Variants in RNF145 observed in about 807,000 individuals in gnomAD.
RNF145 encodes ring finger protein 145.
A neutral mutation model predicts 57.3 loss-of-function variants in RNF145; 12 were observed. The ratio of observed to expected loss-of-function variants is 0.21; its 90% confidence interval spans 0.13 to 0.34. RNF145 has a LOEUF of 0.34. Among genes scored for constraint, RNF145 ranks in the 10% least tolerant of loss-of-function variants. The pLI is 1.00. For synonymous variants in RNF145, 262 were observed against 288.3 expected (o/e 0.91, Z 0.92); for missense variants, 429 against 799.0 (o/e 0.54, Z 5.58).
At chr5:159,176,546 G>A in intron 5 of RNF145, 86 bp downstream of exon 5, 1 of 824,916 alleles carries the variant, frequency 1.2e-6, no homozygotes, top group Non-Finnish European at 1.9e-6. Context: ...TACCATAACT[G>A]TGAAATAAAA....
Position 159,161,306 on chromosome 5 carries a change from T to G in RNF145, c.1586A>C (p.Gln529Pro). 6.2e-7 allele frequency: 1 copy of G among 1,613,682 alleles called. No individual in the cohort carries two copies. The highest frequency in any genetic ancestry group is 8.5e-7 in the Non-Finnish European group (1 of 1,179,634). ...ACAAATATCATTGTGTTTCTCAAGCTGCTCTTTCGTAGCAATGGGTAACGA... is the reference window on the plus strand; with the variant it reads ...ACAAATATCATTGTGTTTCTCAAGCGGCTCTTTCGTAGCAATGGGTAACGA... ...IKSLPIATKE[Q>P]LEKHNDICAI... Residue 529 changes from glutamine (Q) to proline (P), a missense_variant, in exon 10 of 11, where the codon CAG becomes CCG. Physicochemically the swap from Gln to Pro is moderately conservative, Grantham distance 76. Around this residue, in one of 4 missense-constraint regions of RNF145, gnomAD observed 216 missense variants for 457.6 expected, o/e 0.47. Transcript: ENST00000424310.
chr5:159,172,576 T>C (rs1025765494), intron 6 of RNF145, among the ~76,000 whole-genome samples: 5 of 152,190 alleles, frequency 3.3e-5, no homozygotes, highest in African/African-American at 9.7e-5. Flanking sequence ...TTAAAATGTA[T>C]TTGAATTTGA....
intron 3 of RNF145, among the ~76,000 whole-genome samples, chr5:159,184,095 G>C (rs1784984417): frequency 6.6e-6 from 1 of 152,136 alleles, no homozygotes; most frequent in African/African-American, 2.4e-5. Flanking sequence ...CTTTGTGAGG[G>C]ACAAGAAAAG....
chr5:159,209,971 T>G (rs528878588), upstream of RNF145: 1 of 1,453,640 alleles, frequency 6.9e-7, no homozygotes, highest in Non-Finnish European at 9.3e-7. Flanking sequence ...GTAAACTCCT[T>G]GGCGTCTGGG....
At chr5:159,172,748 C>A (rs1370169101) in intron 6 of RNF145, among the ~76,000 whole-genome samples, 2 of 152,072 alleles carry the variant, frequency 1.3e-5, no homozygotes, top group Admixed American at 6.6e-5. Flanking sequence ...TAATGCTTTC[C>A]TAGTAACATG....
intron 10 of RNF145, among the ~76,000 whole-genome samples, chr5:159,160,267 G>C (rs183839994): frequency 1.0e-3 from 157 of 152,226 alleles, no homozygotes; most frequent in African/African-American, 3.5e-3. Flanking sequence ...TTACTCCTCA[G>C]ACCCCTCAAA....
intron 10 of RNF145, among the ~76,000 whole-genome samples, chr5:159,159,867 T>C (rs1784156959): frequency 6.6e-6 from 1 of 152,172 alleles, no homozygotes; most frequent in Admixed American, 6.5e-5. Context: ...TTGTTTCAAG[T>C]CCCAAAACAA....
chr5:159,202,578 A>G (rs1356743092), intron 2 of RNF145, among the ~76,000 whole-genome samples: 2 of 152,190 alleles, frequency 1.3e-5, no homozygotes, highest in South Asian at 2.1e-4. Context: ...GAAAGTGATA[A>G]AAATAAATCT....
intron 2 of RNF145, among the ~76,000 whole-genome samples, chr5:159,197,282 T>C (rs1785491859): frequency 6.6e-6 from 1 of 152,206 alleles, no homozygotes; most frequent in Non-Finnish European, 1.5e-5. Flanking sequence ...GGACAGTAAA[T>C]TCTGTACGTT....
At chr5:159,185,986 G>A (rs555875146) in intron 3 of RNF145, among the ~76,000 whole-genome samples, 4 of 152,330 alleles carry the variant, frequency 2.6e-5, no homozygotes, top group African/African-American at 7.2e-5. Context: ...CACTTTGGGA[G>A]GCCGAGGCAG....
rs193189948 is a variant in RNF145, at chr5:159,158,420, C to T, written c.*250G>A. ...AGTTGCTGAGGTTGAATTTTCTTCA[C>T]AAACCTCTATAAAACATCAGCAGAG... On this transcript the variant is annotated 3_prime_UTR_variant, in exon 11 of 11. Transcript: ENST00000424310. 6.8e-5 allele frequency: 30 copies of T among 438,364 alleles called. No individual in the cohort carries two copies. Among genetic ancestry groups the T allele is most frequent in the Admixed American group, 1.5e-4 (4 of 27,008 alleles). The allele number at this position is 438,364 out of a possible 1,614,324, so 27.2% of individuals were successfully genotyped here. A position where few individuals can be genotyped will look rare whatever the true frequency, so the allele number is the denominator to read the frequency against.
rs1784123448 is a variant in RNF145 at position 159,158,802 on chromosome 5, G to A, written c.1860C>T (p.Thr620=). ...EPPGQEHTPG[T]RIQEGSRDNN... Reference sequence around the variant, plus strand: ...TGTCCCTGGAACCTTCCTGTATCCTGGTCCCTGGAGTATGCTCCTGGCCTG... The same window carrying A: ...TGTCCCTGGAACCTTCCTGTATCCTAGTCCCTGGAGTATGCTCCTGGCCTG... The change falls in exon 11 of 11, where the codon ACC becomes ACT. Residue 620 remains threonine, a synonymous_variant. Coordinates refer to ENST00000424310, the MANE Select transcript of RNF145 (RefSeq NM_001199383.2). The A allele has an allele frequency of 6.2e-7, 1 of 1,613,914 alleles. No homozygotes were observed. Among genetic ancestry groups the A allele is most frequent in the Non-Finnish European group, 8.5e-7 (1 of 1,179,858 alleles).
chr5:159,194,943 T>C, intron 2 of RNF145, 119 bp from the exon 3 acceptor site: 1 of 649,386 alleles, frequency 1.5e-6, no homozygotes, highest in Non-Finnish European at 2.6e-6. Flanking sequence ...CTGAGGTTTT[T>C]TATTATACTT....
chr5:159,158,719 T>C lies in RNF145; in HGVS notation c.1943A>G (p.Glu648Gly), dbSNP rs767300664. 6.2e-7 allele frequency: 1 copy of C among 1,613,994 alleles called. No homozygotes were observed. Among genetic ancestry groups the C allele is most frequent in the East Asian group, 2.2e-5 (1 of 44,884 alleles). Residue 648 changes from glutamate to glycine, a missense_variant, in exon 11 of 11, where the codon GAA becomes GGA. Transcript: ENST00000424310. ...DNQEGAFDPK[E>G]YPHSAKDEAH... ...TTCATCTTTCGCACTGTGAGGATAT[T>C]CTTTGGGGTCAAAAGCCCCTTCCTG...
chr5:159,177,202 A>G (rs1051406682), intron 4 of RNF145, among the ~76,000 whole-genome samples: 3 of 152,122 alleles, frequency 2.0e-5, no homozygotes, highest in Non-Finnish European at 4.4e-5. Context: ...ATGTTTATAC[A>G]TAACTTCTTT....
Position 159,159,045 on chromosome 5 carries a change from G to A in RNF145, c.1627-10C>T. ...CAGCAGATTTCATGTCCTAAAAGAG[G>A]GGGAAAAAAGATACCTTATAAATGT... On this transcript the variant is annotated splice_polypyrimidine_tract_variant and intron_variant, in intron 10 of 10. Transcript: ENST00000424310. The A allele has an allele frequency of 3.1e-6, 5 of 1,595,530 alleles. No individual in the cohort carries two copies. The highest frequency in any genetic ancestry group is 1.8e-5 in the Admixed American group (1 of 56,488).
chr5:159,174,839 T>C (rs1784665314), intron 5 of RNF145, among the ~76,000 whole-genome samples: 3 of 151,960 alleles, frequency 2.0e-5, no homozygotes, highest in Admixed American at 2.0e-4. Context: ...TTCCAGTTTA[T>C]AAAACACTCT....
chr5:159,181,070 C>T (rs1169887353), intron 4 of RNF145, among the ~76,000 whole-genome samples: 1 of 151,354 alleles, frequency 6.6e-6, no homozygotes, highest in Non-Finnish European at 1.5e-5. Flanking sequence ...ATGTGTTCCC[C>T]CAGAAACTTA....
At chr5:159,196,229 G>T (rs950911902) in intron 2 of RNF145, among the ~76,000 whole-genome samples, 14 of 129,108 alleles carry the variant, frequency 1.1e-4, no homozygotes, top group Non-Finnish European at 1.5e-4. Flanking sequence ...AATATTATGA[G>T]TTTTTTTTTT....
Sources: gnomAD v4.1 joint callset for allele counts (sites outside exome capture counted in the v4.1 genomes callset) on GRCh38, gnomAD v4.1.1 for gene constraint, gnomAD v4.1.1 regional missense constraint, MANE v1.5 for transcripts, NCBI Gene and HGNC (gene_info 2026-07-23, HGNC 2026-07-21) for gene names.